The following PTPN2 variants were observed in gnomAD, a reference collection of about 807,000 sequenced individuals.
PTPN2 encodes tyrosine-protein phosphatase non-receptor type 2.
Under a neutral mutation model 57.3 loss-of-function variants are expected in PTPN2, and 19 were observed. That is an observed-to-expected ratio of 0.33 (90% CI 0.23 to 0.49). The LOEUF is 0.49. Among genes scored for constraint, PTPN2 ranks in the 20% least tolerant of loss-of-function variants. PTPN2 has a pLI of 0.99. For synonymous variants in PTPN2, 153 were observed against 164.9 expected, an observed-to-expected ratio of 0.93 and a Z score of 0.55; for missense variants, 358 against 501.1, an observed-to-expected ratio of 0.71 and a Z score of 2.73.
intron 7 of PTPN2, among the ~76,000 whole-genome samples, chr18:12,812,878 T>C (rs1257451947): frequency 6.6e-6 from 1 of 151,540 alleles, no homozygotes; most frequent in Non-Finnish European, 1.5e-5. Flanking sequence ...CCAGATAAAT[T>C]AACAGAAAAA....
chr18:12,820,272 C>T (rs1174219699), intron 5 of PTPN2, among the ~76,000 whole-genome samples: 1 of 152,000 alleles, frequency 6.6e-6, no homozygotes, highest in African/African-American at 2.4e-5. Flanking sequence ...TTCCCCCCTA[C>T]AGAACCAGGA....
Position 12,870,451 on chromosome 18 carries a change from A to G in PTPN2, c.70-11197T>C, listed in dbSNP as rs867456864. On this transcript the variant is annotated intron_variant, in intron 1 of 8. Transcript: ENST00000309660. ...CGTATATATATATGTGTATATATATATATATATATATAGAGAGAGAGAGAG... is the reference window on the plus strand; with the variant it reads ...CGTATATATATATGTGTATATATATGTATATATATATAGAGAGAGAGAGAG... 2.9e-4 allele frequency among the ~76,000 whole-genome samples: 14 copies of G among 48,886 alleles called. 1 individual carries two copies. Among genetic ancestry groups the G allele is most frequent in the East Asian group, 1.1e-3 (1 of 930 alleles). The allele number at this position is 48,886 out of a possible 152,430, so 32.1% of individuals were successfully genotyped here.
intron 3 of PTPN2, among the ~76,000 whole-genome samples, chr18:12,835,840 T>C (rs990718202): frequency 6.6e-6 from 1 of 152,224 alleles, no homozygotes; most frequent in Non-Finnish European, 1.5e-5. Context: ...ATGTGCAAAG[T>C]GTCCACCTTT....
chr18:12,804,697 A>T (rs1046330950), intron 7 of PTPN2, among the ~76,000 whole-genome samples: 13 of 152,200 alleles, frequency 8.5e-5, no homozygotes, highest in Non-Finnish European at 1.6e-4. Context: ...AGACATAGAA[A>T]ACCTGAACTG....
In PTPN2 at chr18:12,870,341, ACATATATATG is replaced by A. The variant is rs1568168710; in HGVS notation, c.70-11097_70-11088del. On this transcript the variant is annotated intron_variant, in intron 1 of 8. Transcript: ENST00000309660. Reference sequence around the variant, plus strand: ...TATGTGTATATATATGTATATATATACATATATATGTGTATATATATGTGTATATATACAT... The same window carrying A: ...TATGTGTATATATATGTATATATATATGTATATATATGTGTATATATACAT... 2.2e-3 allele frequency among the ~76,000 whole-genome samples: 84 copies of A among 37,574 alleles called. 14 individuals are homozygous for A. Among genetic ancestry groups the A allele is most frequent in the African/African-American group, 0.011 (80 of 7,062 alleles). 24.7% of individuals were successfully genotyped at this position (37,574 alleles called of 152,430 possible). A position where few individuals can be genotyped will look rare whatever the true frequency, so the allele number is the denominator to read the frequency against.
intron 1 of PTPN2, among the ~76,000 whole-genome samples, chr18:12,865,962 A>G (rs112021149): frequency 3.7e-4 from 57 of 152,336 alleles, no homozygotes; most frequent in African/African-American, 1.4e-3. Context: ...ATTCACACAA[A>G]AACTTGGACA....
At chr18:12,871,595 CAAACTT>C (rs1293111784) in intron 1 of PTPN2, among the ~76,000 whole-genome samples, 1 of 151,978 alleles carries the variant, frequency 6.6e-6, no homozygotes, top group Non-Finnish European at 1.5e-5. Flanking sequence ...TTTATGAAAT[CAAACTT>C]AAACCTTTTT....
chr18:12,788,472 C>T (rs111624209), downstream of PTPN2, among the ~76,000 whole-genome samples: 267 of 115,484 alleles, frequency 2.3e-3, 2 homozygotes, highest in South Asian at 7.1e-3. Flanking sequence ...GGGGTTTCAC[C>T]GTGTTGCCCA....
At chr18:12,870,405 G>T in intron 1 of PTPN2, among the ~76,000 whole-genome samples, 1 of 46,602 alleles carries the variant, frequency 2.1e-5, no homozygotes, top group South Asian at 6.2e-4. Context: ...ATATATACAC[G>T]TATATATATG....
intron 1 of PTPN2, among the ~76,000 whole-genome samples, chr18:12,869,859 T>A (rs2145506201): frequency 6.6e-6 from 1 of 152,284 alleles, no homozygotes; most frequent in African/African-American, 2.4e-5. Context: ...TAGTCAGATG[T>A]TTGTGCATAT....
intron 2 of PTPN2, among the ~76,000 whole-genome samples, chr18:12,845,813 C>A (rs1281122711): frequency 6.6e-6 from 1 of 152,274 alleles, no homozygotes; most frequent in South Asian, 2.1e-4. Context: ...CAGCAAGTTG[C>A]AAACATACCT....
chr18:12,850,064 T>A (rs909058940), intron 2 of PTPN2, among the ~76,000 whole-genome samples: 1 of 152,212 alleles, frequency 6.6e-6, no homozygotes, highest in Non-Finnish European at 1.5e-5. Context: ...TTTAGTTTAG[T>A]TGGTCCCTTG....
intron 4 of PTPN2, among the ~76,000 whole-genome samples, chr18:12,830,703 G>A (rs918718191): frequency 6.6e-6 from 1 of 152,134 alleles, no homozygotes; most frequent in Middle Eastern, 3.2e-3. Context: ...ATATGTCACT[G>A]CTAGTCCATA....
downstream of PTPN2, among the ~76,000 whole-genome samples, chr18:12,789,849 T>C (rs2040935784): frequency 7.7e-6 from 1 of 129,810 alleles, no homozygotes; most frequent in Non-Finnish European, 1.6e-5. Flanking sequence ...CTATTTTATA[T>C]ATCTCTCTGT....
rs150247532 is a variant in PTPN2 at position 12,797,409 on chromosome 18, T to C, written c.1041-2924A>G. Among the ~76,000 whole-genome samples, 1,105 of 152,278 alleles carry C rather than the reference T, an allele frequency of 7.3e-3. 9 individuals carry two copies. The highest frequency in any genetic ancestry group is 0.013 in the Admixed American group (196 of 15,276). ...CATAATTAGTGCTTTAAATGCTACA[T>C]AGGAGTTTAAAAGGTTTTGTACTAT... On this transcript the variant is annotated intron_variant, in intron 8 of 8. Coordinates refer to ENST00000309660, the MANE Select transcript of PTPN2 (RefSeq NM_002828.4).
At chr18:12,834,460 A>G (rs1244587188) in intron 3 of PTPN2, among the ~76,000 whole-genome samples, 3 of 152,238 alleles carry the variant, frequency 2.0e-5, no homozygotes, top group Non-Finnish European at 4.4e-5. Flanking sequence ...TAAAAACACC[A>G]TTACAAAATT....
rs74917624 is a variant in PTPN2, at chr18:12,820,753, C to T, written c.496-3388G>A. 1.7e-3 allele frequency among the ~76,000 whole-genome samples: 253 copies of T among 152,290 alleles called. 1 individual carries two copies. Among genetic ancestry groups the T allele is most frequent in the African/African-American group, 5.9e-3 (244 of 41,558 alleles). ...ATTATAGGCTGTCCCTGTCTGCAGC[C>T]GTTCCACACATGCCTGCCAAGTTTT... On this transcript the variant is annotated intron_variant, in intron 5 of 8. Transcript: ENST00000309660.
intron 2 of PTPN2, among the ~76,000 whole-genome samples, chr18:12,854,972 G>A (rs1287026054): frequency 6.6e-6 from 1 of 152,140 alleles, no homozygotes; most frequent in East Asian, 1.9e-4. Flanking sequence ...CCAACATGGT[G>A]AAACCCTGTT....
At chr18:12,857,087 TA>T (rs1410817687) in intron 2 of PTPN2, among the ~76,000 whole-genome samples, 1 of 150,498 alleles carries the variant, frequency 6.6e-6, no homozygotes, top group African/African-American at 2.4e-5. Context: ...AAATCCCATT[TA>T]GATCAATTCG....
Sources: gnomAD v4.1 joint callset for allele counts (sites outside exome capture counted in the v4.1 genomes callset) on GRCh38, gnomAD v4.1.1 for gene constraint, MANE v1.5 for transcripts, NCBI Gene and HGNC (gene_info 2026-07-23, HGNC 2026-07-21) for gene names.